Variants in CST11 observed in about 807,000 individuals in gnomAD.
CST11 encodes the protein cystatin 11, also known as cystatin-11.
Under a neutral mutation model 14.0 loss-of-function variants are expected in CST11, and 13 were observed. That is an observed-to-expected ratio of 0.93 (90% confidence interval 0.60 to 1.47). The LOEUF (loss-of-function observed/expected upper bound fraction) is 1.47, where lower values mean the gene tolerates loss of function less well. Among genes scored for constraint, CST11 ranks in the 40% most tolerant of loss-of-function variants. The pLI, the probability that CST11 is intolerant of heterozygous loss-of-function variation, is 0.00. For synonymous variants in CST11, 64 were observed against 57.8 expected (o/e 1.11, Z -0.48); for missense variants, 181 against 160.0 (o/e 1.13, Z -0.71).
Position 23,452,797 on chromosome 20 carries a change from G to C in CST11, c.15C>G (p.Pro5=), listed in dbSNP as rs1275454576. The change falls in exon 1 of 3, where the codon CCC becomes CCG. Residue 5 remains proline (P), a synonymous_variant. Coordinates refer to ENST00000377009, the MANE Select transcript of CST11 (RefSeq NM_130794.2). ...CCAACAGGAGCTGTAGGGCCTGCCA[G>C]GGCTCAGCCATCATCCTTCAGCTGC... is the stretch of plus-strand genomic sequence containing the variant. The part of the protein sequence containing the change: MMAE[P]WQALQLLLAI... The C allele has an allele frequency of 3.1e-6, 5 of 1,613,566 alleles. No individual in the cohort carries two copies. The highest frequency in any genetic ancestry group is 4.2e-6 in the Non-Finnish European group (5 of 1,179,708).
At position 23,450,566 on chromosome 20, in the gene CST11, C is replaced by T. The variant is rs752934589; in HGVS notation, c.357G>A (p.Val119=). The part of the protein sequence containing the change: ...LHKQVNCFFS[V]FAVPWFEQYK... The stretch of plus-strand genomic sequence containing the variant: ...ACTGTTCAAACCAGGGTACAGCAAA[C>T]ACTGAGAAGAAGCAGTTGACTTGCT... The change falls in exon 3 of 3, where the codon GTG becomes GTA. Residue 119 remains valine (V), a synonymous_variant. Transcript: ENST00000377009. 1 of 1,610,264 alleles carries T rather than the reference C, an allele frequency of 6.2e-7. No individual in the cohort carries two copies. The highest frequency in any genetic ancestry group is 2.2e-5 in the East Asian group (1 of 44,758).
Position 23,451,907 on chromosome 20 carries a change from A to G in CST11, c.242T>C (p.Leu81Pro). The G allele has an allele frequency of 6.2e-7, 1 of 1,613,792 alleles. No individual in the cohort carries two copies. Among genetic ancestry groups the G allele is most frequent in the South Asian group, 1.1e-5 (1 of 91,076 alleles). The change falls in exon 2 of 3, where the codon CTG (leucine) becomes CCG (proline). Residue 81 changes from leucine (L) to proline (P), a missense_variant. By Grantham distance (98) the Leu-to-Pro change is moderately conservative. Transcript: ENST00000377009. ...LKVQRQVTDHLEYHLNVEMQW... is the reference protein window; with the variant it reads ...LKVQRQVTDHPEYHLNVEMQW... ...CATTTCCACATTCAGGTGATACTCCAGGTGGTCAGTGACCTGTGGGCGCCA... is the reference window on the plus strand; with the variant it reads ...CATTTCCACATTCAGGTGATACTCCGGGTGGTCAGTGACCTGTGGGCGCCA...
Position 23,452,779 on chromosome 20 carries a change from G to A in CST11, c.33C>T (p.Leu11=), listed in dbSNP as rs1370718799. 2 of 1,614,138 alleles carry A rather than the reference G, an allele frequency of 1.2e-6. No homozygotes were observed. Among genetic ancestry groups the A allele is most frequent in the Non-Finnish European group, 1.7e-6 (2 of 1,179,992 alleles). The change falls in exon 1 of 3, where the codon CTC becomes CTT. Residue 11 remains leucine, a synonymous_variant. Coordinates refer to ENST00000377009, the MANE Select transcript of CST11 (RefSeq NM_130794.2). ...TCAGAGTCAATAGAATGGCCAACAG[G>A]AGCTGTAGGGCCTGCCAGGGCTCAG... MMAEPWQALQ[L]LLAILLTLMA...
At position 23,451,858 on chromosome 20, in the gene CST11, T is replaced by C; in HGVS notation, c.291A>G (p.Pro97=). ...VEMQWTTCQK[P]ETTNCVPQER... ...CCTGGGGGACACAGTTCGTGGTCTC[T>C]GGCTTTTGGCAGGTGGTCCACTGCA... The change falls in exon 2 of 3, where the codon CCA becomes CCG. Residue 97 remains proline, a synonymous_variant. Transcript: ENST00000377009. 3 of 1,614,142 alleles carry C rather than the reference T, an allele frequency of 1.9e-6. No homozygotes were observed. The South Asian group carries it at 3.3e-5, about 18-fold the overall frequency.
At chr20:23,450,948 C>G (rs932548780) in intron 2 of CST11, among the ~76,000 whole-genome samples, 5 of 152,050 alleles carry the variant, frequency 3.3e-5, no homozygotes, top group Non-Finnish European at 7.4e-5. Flanking sequence ...ACCCATTCTT[C>G]CAACCATCTA....
In CST11 at chr20:23,452,348, A is replaced by G. The variant is rs80353715; in HGVS notation, c.228+236T>C. Among the ~76,000 whole-genome samples, 673 of 152,346 alleles carry G rather than the reference A, an allele frequency of 4.4e-3. 7 individuals are homozygous for G. The highest frequency in any genetic ancestry group is 0.014 in the African/African-American group (586 of 41,574). On this transcript the variant is annotated intron_variant, in intron 1 of 2. Transcript: ENST00000377009. ...GCTAGGTCACAAGAACACGACTTAC[A>G]AAAGTGGGCGGCAGGCAGTTTTGGC... is the stretch of plus-strand genomic sequence containing the variant.
intron 2 of CST11, 122 bp from the exon 3 acceptor site, chr20:23,450,711 A>G: frequency 3.5e-6 from 2 of 572,848 alleles, no homozygotes; most frequent in Non-Finnish European, 6.1e-6. Flanking sequence ...CTACAATCCT[A>G]TTTGACCACA....
Position 23,450,576 on chromosome 20 carries a change from A to C in CST11, c.347T>G (p.Phe116Cys). 1 of 1,609,100 alleles carries C rather than the reference A, an allele frequency of 6.2e-7. No homozygotes were observed. The highest frequency in any genetic ancestry group is 8.5e-7 in the Non-Finnish European group (1 of 1,176,584). ...ERELHKQVNC[F>C]FSVFAVPWFE... The stretch of plus-strand genomic sequence containing the variant: ...CCAGGGTACAGCAAACACTGAGAAG[A>C]AGCAGTTGACTTGCTAAAACAAAAA... The change falls in exon 3 of 3, where the codon TTC becomes TGC. Residue 116 changes from phenylalanine to cysteine, a missense_variant. By Grantham distance (205) the Phe-to-Cys change is radical. Transcript: ENST00000377009.
rs1278002184 is a variant in CST11 at position 23,450,466 on chromosome 20, C to T, written c.*40G>A. ...AAGGATTATTGCCCATTGCAGGATT[C>T]TCTCACATGCAGTGGCCGCAGTTGT... On this transcript the variant is annotated 3_prime_UTR_variant, in exon 3 of 3. Transcript: ENST00000377009. 7.5e-7 allele frequency: 1 copy of T among 1,327,154 alleles called. No homozygotes were observed. The highest frequency in any genetic ancestry group is 1.5e-5 in the African/African-American group (1 of 68,728). 82.2% of individuals were successfully genotyped at this position (1,327,154 alleles called of 1,614,324 possible).
chr20:23,452,085 T>C (rs1987109122), intron 1 of CST11, among the ~76,000 whole-genome samples, 165 bp from the exon 2 acceptor site: 1 of 152,232 alleles, frequency 6.6e-6, no homozygotes, highest in African/African-American at 2.4e-5. Context: ...GTTTTTGTCA[T>C]TCCAAGAGAA....
intron 2 of CST11, 87 bp downstream of exon 2, chr20:23,451,729 A>G (rs1265082099): frequency 1.1e-5 from 11 of 970,664 alleles, no homozygotes; most frequent in South Asian, 7.6e-5. Context: ...GTAAATTCCA[A>G]TTAATTCTTC....
At position 23,451,879 on chromosome 20, in the gene CST11, C is replaced by T; in HGVS notation, c.270G>A (p.Gln90=). 1 of 1,614,100 alleles carries T rather than the reference C, an allele frequency of 6.2e-7. No homozygotes were observed. Among genetic ancestry groups the T allele is most frequent in the Non-Finnish European group, 8.5e-7 (1 of 1,179,984 alleles). ...HLEYHLNVEM[Q]WTTCQKPETT... The stretch of plus-strand genomic sequence containing the variant: ...TCTCTGGCTTTTGGCAGGTGGTCCA[C>T]TGCATTTCCACATTCAGGTGATACT... The change falls in exon 2 of 3, where the codon CAG becomes CAA. Residue 90 remains glutamine (Q), a synonymous_variant. Coordinates refer to ENST00000377009, the MANE Select transcript of CST11 (RefSeq NM_130794.2).
chr20:23,450,904 T>G (rs1987069157), intron 2 of CST11, among the ~76,000 whole-genome samples: 1 of 152,214 alleles, frequency 6.6e-6, no homozygotes, highest in South Asian at 2.1e-4. Flanking sequence ...ACTTCTTCCC[T>G]TATTTGTCCT....
At chr20:23,450,689 A>G in intron 2 of CST11, 100 bp from the exon 3 acceptor site, 1 of 708,620 alleles carries the variant, frequency 1.4e-6, no homozygotes, top group Non-Finnish European at 2.3e-6. Context: ...AAAGGCTACC[A>G]CCTCTCCACC....
At chr20:23,451,095 C>A (rs1987074554) in intron 2 of CST11, among the ~76,000 whole-genome samples, 1 of 152,180 alleles carries the variant, frequency 6.6e-6, no homozygotes, top group Non-Finnish European at 1.5e-5. Context: ...ATTCATCCCT[C>A]ATCCATCTCC....
Position 23,450,530 on chromosome 20 carries a change from C to G in CST11, c.393G>C (p.Leu131Phe), listed in dbSNP as rs767896406. 1.2e-6 allele frequency: 2 copies of G among 1,611,466 alleles called. No homozygotes were observed. The highest frequency in any genetic ancestry group is 4.5e-5 in the East Asian group (2 of 44,810). Residue 131 changes from leucine (L) to phenylalanine (F), a missense_variant, in exon 3 of 3, where the codon TTG becomes TTC. By Grantham distance (22) the Leu-to-Phe change is conservative. Coordinates refer to ENST00000377009, the MANE Select transcript of CST11 (RefSeq NM_130794.2). ...AVPWFEQYKI[L>F]NKSCSSD ...CCTAGTCACTGCTGCAGCTTTTGTT[C>G]AAAATTTTGTACTGTTCAAACCAGG...
In CST11 at chr20:23,450,541, A is replaced by C; in HGVS notation, c.382T>G (p.Tyr128Asp). 1 of 1,612,474 alleles carries C rather than the reference A, an allele frequency of 6.2e-7. No individual in the cohort carries two copies. Among genetic ancestry groups the C allele is most frequent in the Non-Finnish European group, 8.5e-7 (1 of 1,178,660 alleles). The change falls in exon 3 of 3, where the codon TAC (tyrosine) becomes GAC (aspartate). Residue 128 changes from tyrosine to aspartate, a missense_variant. Physicochemically the swap from Tyr to Asp is radical, Grantham distance 160. Transcript: ENST00000377009. ...SVFAVPWFEQ[Y>D]KILNKSCSSD ...CTGCAGCTTTTGTTCAAAATTTTGT[A>C]CTGTTCAAACCAGGGTACAGCAAAC...
Position 23,452,751 on chromosome 20 carries a change from C to A in CST11, c.61G>T (p.Ala21Ser). Residue 21 changes from alanine (A) to serine (S), a missense_variant, in exon 1 of 3, where the codon GCC (alanine) becomes TCC (serine). Transcript: ENST00000377009. ...LLLAILLTLMALPYQARKKTF... is the reference protein window; with the variant it reads ...LLLAILLTLMSLPYQARKKTF... ...TTCTTCCTTGCTTGGTAGGGGAGGG[C>A]CATCAGAGTCAATAGAATGGCCAAC... 6.2e-7 allele frequency: 1 copy of A among 1,614,170 alleles called. No homozygotes were observed.
intron 1 of CST11, 61 bp downstream of exon 1, chr20:23,452,523 C>T: frequency 9.4e-7 from 1 of 1,062,260 alleles, no homozygotes; most frequent in South Asian, 1.3e-5. Context: ...ATTCCTGACA[C>T]CAGTGGCCAC....
Sources: gnomAD v4.1 joint callset for allele counts (sites outside exome capture counted in the v4.1 genomes callset) on GRCh38, gnomAD v4.1.1 for gene constraint, MANE v1.5 for transcripts, NCBI Gene and HGNC (gene_info 2026-07-23, HGNC 2026-07-21) for gene names.